The following MAB21L3 variants were observed in gnomAD, a reference collection of about 807,000 sequenced individuals.
MAB21L3 encodes the protein protein mab-21-like 3.
A neutral mutation model predicts 37.7 loss-of-function variants in MAB21L3; 36 were observed. The observed-to-expected ratio is 0.96, with a 90% CI of 0.73 to 1.26. The LOEUF (loss-of-function observed/expected upper bound fraction) is 1.26, where lower values mean the gene tolerates loss of function less well. Among genes scored for constraint, MAB21L3 ranks in the 50% most tolerant of loss-of-function variants. The probability of loss-of-function intolerance (pLI) is 0.00; values close to 1 mark genes in which losing one functional copy is unlikely to be tolerated. For synonymous variants in MAB21L3, 186 were observed against 176.8 expected (o/e 1.05, Z -0.41); for missense variants, 430 against 447.3 (o/e 0.96, Z 0.35).
At chr1:116,129,710 C>T (rs1660014223) in intron 7 of MAB21L3, among the ~76,000 whole-genome samples, 1 of 152,236 alleles carries the variant, frequency 6.6e-6, no homozygotes, top group Non-Finnish European at 1.5e-5. Flanking sequence ...TCTCCCAATG[C>T]TTTGTACATA....
At chr1:116,130,145 GGATGGAAA>G (rs1660031921) in intron 7 of MAB21L3, among the ~76,000 whole-genome samples, 1 of 152,220 alleles carries the variant, frequency 6.6e-6, no homozygotes, top group Admixed American at 6.5e-5. Context: ...CAATTAAGAT[GGATGGAAA>G]TACCATTCGG....
intron 6 of MAB21L3, 133 bp downstream of exon 6, chr1:116,127,777 G>A: frequency 9.9e-7 from 1 of 1,011,788 alleles, no homozygotes. Flanking sequence ...CAAAGTGTGG[G>A]CCCTGCAGCA....
At chr1:116,123,174 G>T (rs948058806) in intron 4 of MAB21L3, among the ~76,000 whole-genome samples, 1 of 152,176 alleles carries the variant, frequency 6.6e-6, no homozygotes, top group African/African-American at 2.4e-5. Flanking sequence ...TCCTTTGGCT[G>T]CTCTGTTTAC....
chr1:116,132,966 C>T (rs1570815519), intron 7 of MAB21L3, among the ~76,000 whole-genome samples, 166 bp from the exon 8 acceptor site: 1 of 152,296 alleles, frequency 6.6e-6, no homozygotes, highest in Middle Eastern at 3.4e-3. Context: ...AGCTGGTAAA[C>T]TGAAGGCCCA....
intron 7 of MAB21L3, among the ~76,000 whole-genome samples, chr1:116,131,810 C>T (rs1660072368): frequency 1.3e-5 from 2 of 152,108 alleles, no homozygotes. Context: ...TGGATGGTGG[C>T]AAGAACAGGG....
At chr1:116,117,819 C>T (rs1158724426) in intron 3 of MAB21L3, among the ~76,000 whole-genome samples, 1 of 152,210 alleles carries the variant, frequency 6.6e-6, no homozygotes, top group Admixed American at 6.5e-5. Flanking sequence ...CTCTGATTTT[C>T]ACTGCCCCCT....
intron 3 of MAB21L3, among the ~76,000 whole-genome samples, chr1:116,113,663 GCCTGTAGATTAT>G (rs1311875678): frequency 6.6e-6 from 1 of 152,116 alleles, no homozygotes; most frequent in African/African-American, 2.4e-5. Flanking sequence ...GTTTTGTTTG[GCCTGTAGATTAT>G]TTCTAATGTT....
intron 3 of MAB21L3, among the ~76,000 whole-genome samples, chr1:116,113,844 A>G (rs1659496797): frequency 6.6e-6 from 1 of 152,128 alleles, no homozygotes. Context: ...GTGCTGGCCA[A>G]TTCTCAGGAG....
intron 3 of MAB21L3, among the ~76,000 whole-genome samples, chr1:116,114,767 A>T (rs1321744251): frequency 3.3e-5 from 5 of 152,234 alleles, no homozygotes; most frequent in Admixed American, 2.6e-4. Flanking sequence ...TGCTTAATAG[A>T]ATGCATGGTA....
chr1:116,116,189 G>C (rs1570801815), intron 3 of MAB21L3, among the ~76,000 whole-genome samples: 1 of 152,142 alleles, frequency 6.6e-6, no homozygotes, highest in South Asian at 2.1e-4. Flanking sequence ...AAACAGTCTG[G>C]GGGTTCTGTG....
At chr1:116,132,909 G>A (rs1233226067) in intron 7 of MAB21L3, among the ~76,000 whole-genome samples, 1 of 152,178 alleles carries the variant, frequency 6.6e-6, no homozygotes, top group Non-Finnish European at 1.5e-5. Context: ...CATTGGAAAT[G>A]TTGGAGGAGA....
chr1:116,125,210 GGGT>G (rs1341453112), intron 5 of MAB21L3, among the ~76,000 whole-genome samples: 1 of 152,182 alleles, frequency 6.6e-6, no homozygotes, highest in African/African-American at 2.4e-5. Flanking sequence ...ATGGTGAAAT[GGGT>G]ATTCTCATGT....
intron 4 of MAB21L3, among the ~76,000 whole-genome samples, chr1:116,123,597 G>C (rs917061277): frequency 2.0e-5 from 3 of 152,168 alleles, no homozygotes; most frequent in Non-Finnish European, 4.4e-5. Flanking sequence ...CTACTTACTG[G>C]TTGTGTGTCC....
In MAB21L3 at chr1:116,134,902, T is replaced by A. The variant is rs1038105846; in HGVS notation, c.*1537T>A. ...AAGGGGCTCCTTTATTACTTTTGAATGTTTTTGCCCAAATGTCTATACCAA... is the reference window on the plus strand; with the variant it reads ...AAGGGGCTCCTTTATTACTTTTGAAAGTTTTTGCCCAAATGTCTATACCAA... On this transcript the variant is annotated 3_prime_UTR_variant, in exon 8 of 8. Coordinates refer to ENST00000369500, the MANE Select transcript of MAB21L3 (RefSeq NM_152367.3). 9 of 152,202 alleles carry A rather than the reference T, an allele frequency of 5.9e-5. No homozygotes were observed. The highest frequency in any genetic ancestry group is 2.2e-4 in the African/African-American group (9 of 41,456). 9.4% of individuals were successfully genotyped at this position (152,202 alleles called of 1,614,324 possible). A position where few individuals can be genotyped will look rare whatever the true frequency, so the allele number is the denominator to read the frequency against.
At chr1:116,129,012 C>A (rs1413457262) in intron 7 of MAB21L3, among the ~76,000 whole-genome samples, 3 of 152,252 alleles carry the variant, frequency 2.0e-5, no homozygotes, top group African/African-American at 7.2e-5. Flanking sequence ...GGGCCAGAGG[C>A]CTGCCCCAGT....
intron 7 of MAB21L3, among the ~76,000 whole-genome samples, chr1:116,128,970 C>T (rs1471571785): frequency 1.3e-5 from 2 of 152,224 alleles, no homozygotes; most frequent in African/African-American, 2.4e-5. Context: ...CCTTCACTCA[C>T]TCATTCAGCA....
intron 7 of MAB21L3, among the ~76,000 whole-genome samples, chr1:116,130,440 G>T (rs1427832712): frequency 6.6e-6 from 1 of 152,196 alleles, no homozygotes; most frequent in African/African-American, 2.4e-5. Context: ...TTTTTCTCTG[G>T]TCTTCCATCC....
intron 3 of MAB21L3, among the ~76,000 whole-genome samples, chr1:116,115,163 G>T (rs1024654554): frequency 6.6e-6 from 1 of 152,162 alleles, no homozygotes; most frequent in African/African-American, 2.4e-5. Context: ...CTTAAAGAAT[G>T]ATGGGTAGGC....
Position 116,124,170 on chromosome 1 carries a change from C to A in MAB21L3, c.294C>A (p.Thr98=). 1 of 1,614,216 alleles carries A rather than the reference C, an allele frequency of 6.2e-7. No homozygotes were observed. The highest frequency in any genetic ancestry group is 8.5e-7 in the Non-Finnish European group (1 of 1,180,046). The stretch of plus-strand genomic sequence containing the variant: ...GGCGGTACTACACACTGCAGGGCAC[C>A]AGGCTGCCCTGCCCGTTGCGGGACC... ...QHWRYYTLQG[T]RLPCPLRDPE... The change falls in exon 5 of 8, where the codon ACC becomes ACA. Residue 98 remains threonine, a synonymous_variant. Transcript: ENST00000369500.
Sources: gnomAD v4.1 joint callset for allele counts (sites outside exome capture counted in the v4.1 genomes callset) on GRCh38, gnomAD v4.1.1 for gene constraint, MANE v1.5 for transcripts, NCBI Gene and HGNC (gene_info 2026-07-23, HGNC 2026-07-21) for gene names.